Variants in CNOT6 observed in about 807,000 individuals in gnomAD.
CNOT6 encodes the protein carbon catabolite repression 4 protein.
In CNOT6, 12 loss-of-function variants were observed where a neutral mutation model predicts 61.2. The observed-to-expected ratio is 0.20, with a 90% confidence interval of 0.13 to 0.32. CNOT6 has a LOEUF of 0.32. Among genes scored for constraint, CNOT6 ranks in the 10% least tolerant of loss-of-function variants. The pLI is 1.00. For synonymous variants in CNOT6, 225 were observed against 240.6 expected (o/e 0.94, Z 0.60); for missense variants, 405 against 663.9 (o/e 0.61, Z 4.28).
intron 2 of CNOT6, among the ~76,000 whole-genome samples, chr5:180,541,084 T>C (rs1254406480): frequency 6.6e-6 from 1 of 152,108 alleles, no homozygotes; most frequent in Non-Finnish European, 1.5e-5. Flanking sequence ...AAATCTAGAT[T>C]GACAGTTCAT....
intron 4 of CNOT6, among the ~76,000 whole-genome samples, chr5:180,562,786 A>G (rs937254717): frequency 9.2e-5 from 14 of 152,190 alleles, no homozygotes; most frequent in African/African-American, 3.4e-4. Flanking sequence ...AGGTCTGGTT[A>G]GAATGAGCTG....
intron 2 of CNOT6, among the ~76,000 whole-genome samples, chr5:180,537,868 T>C (rs908776871): frequency 9.9e-5 from 15 of 150,916 alleles, no homozygotes; most frequent in Non-Finnish European, 1.8e-4. Flanking sequence ...TCATTGCCAG[T>C]GTATAAGAAA....
intron 3 of CNOT6, 120 bp from the exon 4 acceptor site, chr5:180,553,266 G>A (rs2127748284): frequency 3.8e-6 from 2 of 525,356 alleles, no homozygotes; most frequent in East Asian, 3.1e-5. Flanking sequence ...ACTAGACATT[G>A]AAATATAACG....
chr5:180,535,319 C>A (rs11740953), intron 2 of CNOT6, among the ~76,000 whole-genome samples: 41,382 of 152,130 alleles, frequency 0.27, 6,216 homozygotes, highest in Middle Eastern at 0.41. Flanking sequence ...TTTTCGCCCT[C>A]CCGTGTTTTG....
chr5:180,495,387 A>T (rs894022206), intron 1 of CNOT6: 11 of 152,254 alleles, frequency 7.2e-5, no homozygotes, highest in African/African-American at 2.2e-4. Flanking sequence ...TTTCTCTGGT[A>T]ACCCAAATTG....
intron 9 of CNOT6, 50 bp from the exon 10 acceptor site, chr5:180,569,060 C>T: frequency 7.4e-7 from 1 of 1,350,906 alleles, no homozygotes; most frequent in Non-Finnish European, 1.0e-6. Context: ...AATATATGGG[C>T]TGATGGGCGG....
intron 1 of CNOT6, among the ~76,000 whole-genome samples, chr5:180,508,760 C>G (rs913724711): frequency 1.2e-4 from 18 of 152,130 alleles, no homozygotes; most frequent in African/African-American, 4.3e-4. Context: ...GTAGCTGGGA[C>G]TGCAGGTGTG....
At chr5:180,563,103 C>G (rs908322089) in intron 4 of CNOT6, among the ~76,000 whole-genome samples, 1 of 152,246 alleles carries the variant, frequency 6.6e-6, no homozygotes, top group East Asian at 1.9e-4. Flanking sequence ...TTTTTCCCAT[C>G]CATGCAACTC....
In CNOT6 at chr5:180,565,893, A is replaced by G. The variant is rs1168083974; in HGVS notation, c.633A>G (p.Pro211=). ...YATRQLYGYC[P]SWALNWDYRK... is the part of the protein sequence containing the mutation. ...CCCGGCAGTTATACGGCTACTGTCC[A>G]TCATGGGCGCTAAACTGGGACTACA... is the stretch of plus-strand genomic sequence containing the variant. The change falls in exon 7 of 12, where the codon CCA becomes CCG. Residue 211 remains proline (P), a synonymous_variant. Coordinates refer to ENST00000261951, the MANE Select transcript of CNOT6 (RefSeq NM_001370472.1). 1.2e-6 allele frequency: 2 copies of G among 1,613,988 alleles called. No individual in the cohort carries two copies. The highest frequency in any genetic ancestry group is 1.1e-5 in the South Asian group (1 of 91,064).
intron 11 of CNOT6, among the ~76,000 whole-genome samples, chr5:180,573,741 G>T (rs1760881584): frequency 6.6e-6 from 1 of 152,072 alleles, no homozygotes; most frequent in Non-Finnish European, 1.5e-5. Flanking sequence ...AGAAGCAGAG[G>T]CTGCATCCTG....
In CNOT6 at chr5:180,536,678, T is replaced by G. The variant is rs544198918; in HGVS notation, c.112+7290T>G. On this transcript the variant is annotated intron_variant, in intron 2 of 11. Coordinates refer to ENST00000261951, the MANE Select transcript of CNOT6 (RefSeq NM_001370472.1). ...CAGGCTGTAGTGCAGTGATGCCATCTCGGCTCACTGCAGCCTCGACCTCGT... is the reference window on the plus strand; with the variant it reads ...CAGGCTGTAGTGCAGTGATGCCATCGCGGCTCACTGCAGCCTCGACCTCGT... Among the ~76,000 whole-genome samples the G allele has an allele frequency of 5.5e-4, 84 of 152,264 alleles. 1 individual carries two copies. The highest frequency in any genetic ancestry group is 6.8e-3 in the Middle Eastern group (2 of 294).
At chr5:180,512,696 A>G (rs958418222) in intron 1 of CNOT6, among the ~76,000 whole-genome samples, 2 of 150,788 alleles carry the variant, frequency 1.3e-5, no homozygotes, top group African/African-American at 4.9e-5. Context: ...TCCCAGGTTC[A>G]AGCAATTCTC....
intron 1 of CNOT6, among the ~76,000 whole-genome samples, chr5:180,504,955 A>ATTTTTTTTTTTTTT (rs769852255): frequency 4.9e-5 from 5 of 101,492 alleles, no homozygotes; most frequent in Non-Finnish European, 9.3e-5. Flanking sequence ...GTACTAGTTA[A>ATTTTTTTTTTTTTT]TTTTTTTTTT....
At chr5:180,502,265 T>C (rs1043492989) in intron 1 of CNOT6, among the ~76,000 whole-genome samples, 10 of 152,224 alleles carry the variant, frequency 6.6e-5, no homozygotes, top group African/African-American at 2.4e-4. Context: ...CTGCGGAATT[T>C]TATGTGATTT....
chr5:180,552,417 G>A (rs1327736555), intron 3 of CNOT6, among the ~76,000 whole-genome samples: 10 of 151,730 alleles, frequency 6.6e-5, no homozygotes, highest in Non-Finnish European at 7.4e-5. Flanking sequence ...CGAGGCGGGC[G>A]GATCACAAAG....
chr5:180,511,491 G>T (rs1455706193), intron 1 of CNOT6, among the ~76,000 whole-genome samples: 1 of 152,076 alleles, frequency 6.6e-6, no homozygotes, highest in Admixed American at 6.5e-5. Flanking sequence ...TGCACCTGTA[G>T]TTCCAGCTAC....
At chr5:180,539,551 C>CTTTTTTTTTTTTTTTTTTTTTTT (rs70973934) in intron 2 of CNOT6, among the ~76,000 whole-genome samples, 1 of 37,066 alleles carries the variant, frequency 2.7e-5, no homozygotes, top group African/African-American at 7.6e-5. Context: ...TTTTTCTGTT[C>CTTTTTTTTTTTTTTTTTTTTTTT]TTTTTTTTTT....
intron 1 of CNOT6, among the ~76,000 whole-genome samples, chr5:180,496,634 T>C (rs914857078): frequency 6.6e-6 from 1 of 152,070 alleles, no homozygotes; most frequent in African/African-American, 2.4e-5. Context: ...CCCAGGTGTT[T>C]GAGACCAGCA....
At chr5:180,538,507 G>A (rs1283033085) in intron 2 of CNOT6, among the ~76,000 whole-genome samples, 1 of 151,148 alleles carries the variant, frequency 6.6e-6, no homozygotes, top group Non-Finnish European at 1.5e-5. Context: ...GCAACACAGT[G>A]AACCTCCGTC....
Sources: allele counts gnomAD v4.1 joint callset (sites outside exome capture counted in the v4.1 genomes callset), GRCh38; gene constraint gnomAD v4.1.1; transcripts MANE v1.5; gene names NCBI Gene and HGNC (gene_info 2026-07-23, HGNC 2026-07-21).